Variants in ZNF536 observed in about 807,000 individuals in gnomAD.
ZNF536 encodes zinc finger protein 536.
Under a neutral mutation model 84.5 loss-of-function variants are expected in ZNF536, and 13 were observed. The observed-to-expected ratio is 0.15, with a 90% CI of 0.10 to 0.24. The LOEUF (loss-of-function observed/expected upper bound fraction) is 0.24, where lower values mean the gene tolerates loss of function less well. Among genes scored for constraint, ZNF536 ranks in the 10% least tolerant of loss-of-function variants. The pLI is 1.00. For missense variants in ZNF536, 1,536 were observed against 1,747.5 expected, an observed-to-expected ratio of 0.88 and a Z score of 2.16; for synonymous variants, 811 against 742.5, an observed-to-expected ratio of 1.09 and a Z score of -1.50.
chr19:30,601,633 C>G (rs1245124899), intron 1 of ZNF536, among the ~76,000 whole-genome samples: 1 of 152,150 alleles, frequency 6.6e-6, no homozygotes, highest in Non-Finnish European at 1.5e-5. Flanking sequence ...GAAACACTTC[C>G]TGGGGCCCAT....
At chr19:30,449,242 C>T (rs760619720) in intron 2 of ZNF536, among the ~76,000 whole-genome samples, 10 of 152,154 alleles carry the variant, frequency 6.6e-5, no homozygotes, top group South Asian at 2.1e-4. Context: ...ATGTAGCCTC[C>T]GTGTACAATG....
chr19:30,603,294 A>AATGG (rs758738622), intron 1 of ZNF536, among the ~76,000 whole-genome samples: 24 of 152,120 alleles, frequency 1.6e-4, no homozygotes, highest in African/African-American at 3.4e-4. Flanking sequence ...GGAAAGAAAG[A>AATGG]ATGGATGGAT....
At chr19:30,497,402 G>T (rs1388720424) in intron 2 of ZNF536, among the ~76,000 whole-genome samples, 1 of 151,922 alleles carries the variant, frequency 6.6e-6, no homozygotes, top group Admixed American at 6.6e-5. Flanking sequence ...TGAGAAAGGG[G>T]TAGCTTCTGA....
At chr19:30,312,303 T>C (rs555399550) in intron 2 of ZNF536, among the ~76,000 whole-genome samples, 34 of 152,052 alleles carry the variant, frequency 2.2e-4, no homozygotes, top group African/African-American at 8.2e-4. Flanking sequence ...GGGGCGGGGA[T>C]GGAAGGGAAG....
intron 1 of ZNF536, among the ~76,000 whole-genome samples, chr19:30,662,263 G>A (rs886082048): frequency 6.6e-6 from 1 of 152,308 alleles, no homozygotes; most frequent in Non-Finnish European, 1.5e-5. Context: ...AACAGACTCG[G>A]TTTGACCTCC....
intron 1 of ZNF536, among the ~76,000 whole-genome samples, chr19:30,417,481 A>G (rs979193026): frequency 7.2e-5 from 11 of 152,188 alleles, no homozygotes; most frequent in Non-Finnish European, 1.5e-4. Context: ...CCATCTTGAT[A>G]CAATCCACTG....
At chr19:30,327,682 T>C (rs2047083867) in intron 2 of ZNF536, among the ~76,000 whole-genome samples, 1 of 152,170 alleles carries the variant, frequency 6.6e-6, no homozygotes, top group African/African-American at 2.4e-5. Context: ...TAGCTTGGGT[T>C]TGGGTTTCTG....
chr19:30,600,055 T>G, intron 1 of ZNF536, among the ~76,000 whole-genome samples: 1 of 147,790 alleles, frequency 6.8e-6, no homozygotes, highest in East Asian at 2.0e-4. Flanking sequence ...TTTTTTTTTT[T>G]GTTGTTGTTG....
At chr19:30,530,584 T>G (rs2044764730) in intron 2 of ZNF536, among the ~76,000 whole-genome samples, 2 of 152,192 alleles carry the variant, frequency 1.3e-5, no homozygotes, top group Admixed American at 6.5e-5. Flanking sequence ...TGACCTCAGA[T>G]GATCTGCTGG....
At chr19:30,529,591 C>T (rs1047612239) in intron 2 of ZNF536, among the ~76,000 whole-genome samples, 8 of 152,128 alleles carry the variant, frequency 5.3e-5, no homozygotes, top group South Asian at 2.1e-4. Context: ...GCTATAGACT[C>T]GGAGGATAAG....
At chr19:30,512,482 T>A (rs1008652387) in intron 2 of ZNF536, among the ~76,000 whole-genome samples, 5 of 152,154 alleles carry the variant, frequency 3.3e-5, no homozygotes, top group Non-Finnish European at 5.9e-5. Context: ...CAGTAAACAG[T>A]TTTTGCCATG....
At chr19:30,677,478 G>A (rs2050793769) in intron 1 of ZNF536, among the ~76,000 whole-genome samples, 1 of 152,210 alleles carries the variant, frequency 6.6e-6, no homozygotes, top group Admixed American at 6.5e-5. Context: ...CTGTGGCCAA[G>A]GCACTTTCCA....
At chr19:30,656,857 C>T (rs57913239) in intron 1 of ZNF536, among the ~76,000 whole-genome samples, 3,092 of 152,228 alleles carry the variant, frequency 0.02, 105 homozygotes, top group African/African-American at 0.071. Context: ...CCATGGAAAT[C>T]GCAGGGGAGA....
At chr19:30,664,966 G>A (rs1276602679) in intron 1 of ZNF536, among the ~76,000 whole-genome samples, 1 of 152,246 alleles carries the variant, frequency 6.6e-6, no homozygotes, top group Non-Finnish European at 1.5e-5. Flanking sequence ...GAGGCTCCAT[G>A]AGAGTAAAGC....
chr19:30,627,331 T>C (rs1206572209), intron 1 of ZNF536, among the ~76,000 whole-genome samples: 3 of 151,516 alleles, frequency 2.0e-5, no homozygotes, highest in South Asian at 4.2e-4. Flanking sequence ...AGTCAGGTGG[T>C]GTAGTGGTAC....
chr19:30,705,924 A>G (rs2052208229), intron 1 of ZNF536, among the ~76,000 whole-genome samples: 1 of 152,222 alleles, frequency 6.6e-6, no homozygotes, highest in African/African-American at 2.4e-5. Flanking sequence ...AGAAACAGAG[A>G]TTCAAAATAT....
At chr19:30,532,084 C>A (rs529656318) in intron 2 of ZNF536, among the ~76,000 whole-genome samples, 62 of 152,106 alleles carry the variant, frequency 4.1e-4, no homozygotes, top group Non-Finnish European at 7.8e-4. Context: ...TGGGAAGGTC[C>A]AGAGCATGCC....
At chr19:30,354,515 G>A (rs2048032583) in intron 3 of ZNF536, among the ~76,000 whole-genome samples, 1 of 152,122 alleles carries the variant, frequency 6.6e-6, no homozygotes, top group Non-Finnish European at 1.5e-5. Context: ...TTACAGGCGT[G>A]ATCTACTACA....
chr19:30,466,755 GGGAAGGAAGGAAGGAAGGAAGGAAGGAA>G (rs1300813936), intron 2 of ZNF536, among the ~76,000 whole-genome samples: 1 of 62,558 alleles, frequency 1.6e-5, no homozygotes, highest in Non-Finnish European at 2.7e-5. Context: ...GAAGAAAGGA[GGGAAGGAAGGAAGGAAGGAAGGAAGGAA>G]GGAAGGAAGG....
Sources: gnomAD v4.1 joint callset for allele counts (sites outside exome capture counted in the v4.1 genomes callset) on GRCh38, gnomAD v4.1.1 for gene constraint, MANE v1.5 for transcripts, NCBI Gene and HGNC (gene_info 2026-07-23, HGNC 2026-07-21) for gene names.